Variants in EDDM13 observed in about 807,000 individuals in gnomAD.
The protein encoded by EDDM13 is epididymal protein 13.
A neutral mutation model predicts 17.8 loss-of-function variants in EDDM13; 24 were observed. That is an observed-to-expected ratio of 1.35 (90% confidence interval 0.98 to 1.90). The LOEUF is 1.90. Among genes scored for constraint, EDDM13 ranks in the 40% most tolerant of loss-of-function variants. EDDM13 has a pLI of 0.00. For synonymous variants in EDDM13, 31 were observed against 37.5 expected, an observed-to-expected ratio of 0.83 and a Z score of 0.63; for missense variants, 97 against 100.8, an observed-to-expected ratio of 0.96 and a Z score of 0.16.
chr19:56,299,641 A>G (rs2040102482), intron 12 of EDDM13, among the ~76,000 whole-genome samples: 2 of 152,242 alleles, frequency 1.3e-5, no homozygotes, highest in African/African-American at 4.8e-5. Context: ...TATAAATAGC[A>G]TAATGCTTGC....
At chr19:56,293,714 G>T (rs1453551526) in intron 9 of EDDM13, among the ~76,000 whole-genome samples, 2 of 152,184 alleles carry the variant, frequency 1.3e-5, no homozygotes, top group Non-Finnish European at 2.9e-5. Context: ...TCGCCCCTCA[G>T]GGGACACCTG....
At chr19:56,281,387 T>C (rs893790341) in intron 2 of EDDM13, among the ~76,000 whole-genome samples, 2 of 152,202 alleles carry the variant, frequency 1.3e-5, no homozygotes, top group African/African-American at 4.8e-5. Context: ...TACATATTTA[T>C]ATAAATATAT....
At position 56,310,350 on chromosome 19, in the gene EDDM13, G is replaced by A. The variant is rs1012676950; in HGVS notation, c.*202G>A. 3 of 152,242 alleles carry A rather than the reference G, an allele frequency of 2.0e-5. No homozygotes were observed. Among genetic ancestry groups the A allele is most frequent in the Admixed American group, 6.5e-5 (1 of 15,288 alleles). 9.4% of individuals were successfully genotyped at this position (152,242 alleles called of 1,614,324 possible). A position where few individuals can be genotyped will look rare whatever the true frequency, so the allele number is the denominator to read the frequency against. ...TGCCTTAGGGGGATGCACCCAGGGC[G>A]GCTGAGAGAGCAACTGCAGGAGTTT... On this transcript the variant is annotated 3_prime_UTR_variant, in exon 15 of 15. Coordinates refer to ENST00000649256, the MANE Select transcript of EDDM13 (RefSeq NM_001354658.2).
At chr19:56,280,479 G>C (rs2038608518) in intron 2 of EDDM13, 1 of 151,648 alleles carries the variant, frequency 6.6e-6, no homozygotes, top group Admixed American at 6.6e-5. Context: ...ATATCTGTAG[G>C]ATTATACATG....
At chr19:56,291,650 A>ACATTTGAC (rs1476463879) in intron 9 of EDDM13, among the ~76,000 whole-genome samples, 1 of 151,988 alleles carries the variant, frequency 6.6e-6, no homozygotes, top group Non-Finnish European at 1.5e-5. Context: ...GTCTTGTTTC[A>ACATTTGAC]CATTTGACCC....
chr19:56,275,126 G>C (rs1396758476), intron 1 of EDDM13, among the ~76,000 whole-genome samples: 4 of 152,178 alleles, frequency 2.6e-5, no homozygotes, highest in African/African-American at 9.7e-5. Context: ...GGCTAAGGTG[G>C]TGTCTGCCAG....
chr19:56,281,860 C>T (rs1220429090), intron 3 of EDDM13, among the ~76,000 whole-genome samples, 162 bp downstream of exon 3: 1 of 152,232 alleles, frequency 6.6e-6, no homozygotes, highest in African/African-American at 2.4e-5. Flanking sequence ...CCAGAATCTG[C>T]AGATTGCCCG....
At chr19:56,301,875 T>G (rs929306957) in intron 12 of EDDM13, 93 bp from the exon 13 acceptor site, 30 of 1,226,664 alleles carry the variant, frequency 2.4e-5, no homozygotes, top group Non-Finnish European at 3.0e-5. Context: ...AGATGTGAGT[T>G]TGGAGATCAG....
intron 14 of EDDM13, among the ~76,000 whole-genome samples, chr19:56,309,143 G>A (rs981756887): frequency 7.2e-5 from 11 of 152,204 alleles, no homozygotes; most frequent in South Asian, 2.1e-4. Flanking sequence ...GTCCTGGCAC[G>A]TGCAACAACA....
At chr19:56,300,061 A>G (rs2040129969) in intron 12 of EDDM13, 1 of 152,230 alleles carries the variant, frequency 6.6e-6, no homozygotes, top group South Asian at 2.1e-4. Flanking sequence ...TTGGGAGGGT[A>G]TATCTGAGAG....
intron 13 of EDDM13, among the ~76,000 whole-genome samples, chr19:56,302,608 T>TCTCCCTCTTCCTCC (rs1393987659): frequency 3.2e-5 from 2 of 62,122 alleles, no homozygotes; most frequent in Non-Finnish European, 5.9e-5. Flanking sequence ...CTCTTCTTCC[T>TCTCCCTCTTCCTCC]CTCCCTCTTC....
At chr19:56,298,921 T>C (rs897854002) in intron 12 of EDDM13, among the ~76,000 whole-genome samples, 1 of 152,190 alleles carries the variant, frequency 6.6e-6, no homozygotes, top group Non-Finnish European at 1.5e-5. Flanking sequence ...CTCATAAATA[T>C]AGATGGAAAA....
At chr19:56,275,879 T>C (rs112359631) in intron 1 of EDDM13, among the ~76,000 whole-genome samples, 2 of 152,208 alleles carry the variant, frequency 1.3e-5, no homozygotes, top group Non-Finnish European at 2.9e-5. Context: ...GTTGGTTGGA[T>C]GGATGATGAA....
chr19:56,287,167 C>T (rs2039186400), intron 6 of EDDM13, among the ~76,000 whole-genome samples: 1 of 152,204 alleles, frequency 6.6e-6, no homozygotes, highest in South Asian at 2.1e-4. Context: ...GTGGTGAAAC[C>T]ACCATGCACT....
At chr19:56,296,520 G>C (rs2039886042) in intron 11 of EDDM13, 158 bp downstream of exon 11, 1 of 151,932 alleles carries the variant, frequency 6.6e-6, no homozygotes, top group Non-Finnish European at 1.5e-5. Flanking sequence ...GTTTTTATTT[G>C]TCCAACAGAT....
intron 10 of EDDM13, 24 bp from the exon 11 acceptor site, chr19:56,296,312 G>A: frequency 6.6e-6 from 1 of 152,308 alleles, no homozygotes; most frequent in Non-Finnish European, 1.5e-5. Flanking sequence ...TCTGACTCGC[G>A]TTGTATGCCC....
chr19:56,284,911 AC>A (rs2038991543), intron 5 of EDDM13, 86 bp from the exon 6 acceptor site: 2 of 605,322 alleles, frequency 3.3e-6, no homozygotes, highest in South Asian at 1.5e-4. Flanking sequence ...AGAGTTTGTT[AC>A]ATCTGTTGAA....
At position 56,288,431 on chromosome 19, in the gene EDDM13, C is replaced by T. The variant is rs1012469531; in HGVS notation, c.201C>T (p.Ser67=). Among the ~76,000 whole-genome samples the T allele has an allele frequency of 6.6e-6, 1 of 152,188 alleles. No homozygotes were observed. The highest frequency in any genetic ancestry group is 1.5e-5 in the Non-Finnish European group (1 of 68,036). The stretch of plus-strand genomic sequence containing the variant: ...CCCTCAAGATGCCTCCCCTGGTGTC[C>T]CCGCAAGGTTAGCAACCATCACCCC... ...ITSLKMPPLV[S]PQDRTEEEIK... is the part of the protein sequence containing the mutation. The change falls in exon 7 of 15, where the codon TCC becomes TCT. Residue 67 remains serine, a synonymous_variant. Transcript: ENST00000649256.
At chr19:56,301,922 G>C in intron 12 of EDDM13, 46 bp from the exon 13 acceptor site, 5 of 1,231,934 alleles carry the variant, frequency 4.1e-6, no homozygotes, top group Non-Finnish European at 5.1e-6. Context: ...CTCTAAGGCA[G>C]GAAGGGAAGG....
Sources: gnomAD v4.1 joint callset for allele counts (sites outside exome capture counted in the v4.1 genomes callset) on GRCh38, gnomAD v4.1.1 for gene constraint, MANE v1.5 for transcripts, NCBI Gene and HGNC (gene_info 2026-07-23, HGNC 2026-07-21) for gene names.